The following ODAD1 variants were observed in gnomAD, a reference collection of about 807,000 sequenced individuals.
The protein encoded by ODAD1 is outer dynein arm-docking complex subunit 1.
In ODAD1, 49 loss-of-function variants were observed where a neutral mutation model predicts 67.2. The observed-to-expected ratio is 0.73, with a 90% CI of 0.58 to 0.92. ODAD1 has a LOEUF of 0.92. Ranked by LOEUF, ODAD1 falls within the 40% of genes least tolerant of loss-of-function variation. ODAD1 has a pLI of 0.00. For synonymous variants in ODAD1, 345 were observed against 393.7 expected, an observed-to-expected ratio of 0.88 and a Z score of 1.46; for missense variants, 897 against 953.7, an observed-to-expected ratio of 0.94 and a Z score of 0.78.
intron 5 of ODAD1, among the ~76,000 whole-genome samples, chr19:48,314,612 ACT>A (rs1968850691): frequency 6.6e-6 from 1 of 152,148 alleles, no homozygotes; most frequent in South Asian, 2.1e-4. Flanking sequence ...TCTTTGTGAG[ACT>A]GGATTTTCAG....
rs369830434 is a variant in ODAD1, at chr19:48,298,355, G to C, written c.1241-15C>G. 6 of 1,613,098 alleles carry C rather than the reference G, an allele frequency of 3.7e-6. No homozygotes were observed. The African/African-American group carries it at 8.0e-5, about 22-fold the overall frequency. The stretch of plus-strand genomic sequence containing the variant: ...GAGCTGGATATCTGCGTCATGGAGG[G>C]CCGGTTGTCAGGGATCTGGCACCGC... On this transcript the variant is annotated splice_polypyrimidine_tract_variant and intron_variant, in intron 12 of 15. Transcript: ENST00000674294.
intron 5 of ODAD1, among the ~76,000 whole-genome samples, chr19:48,317,741 C>T (rs923288155): frequency 3.3e-5 from 5 of 150,690 alleles, no homozygotes; most frequent in Admixed American, 6.6e-5. Flanking sequence ...TGCAGCGGCG[C>T]GATCTTGGCT....
In ODAD1 at chr19:48,297,640, C is replaced by T. The variant is rs755370736; in HGVS notation, c.1531G>A (p.Asp511Asn). 4 of 1,520,964 alleles carry T rather than the reference C, an allele frequency of 2.6e-6. No homozygotes were observed. The highest frequency in any genetic ancestry group is 2.3e-5 in the Admixed American group (1 of 43,984). 94.2% of individuals were successfully genotyped at this position (1,520,964 alleles called of 1,614,324 possible). A position where few individuals can be genotyped will look rare whatever the true frequency, so the allele number is the denominator to read the frequency against. Residue 511 changes from aspartate (D) to asparagine (N), a missense_variant, in exon 15 of 16, where the codon GAT (aspartate) becomes AAT (asparagine). Coordinates refer to ENST00000674294, the MANE Select transcript of ODAD1 (RefSeq NM_001364171.2). ...TCCTCCCTGCTCATGGGGTAGTCAT[C>T]GCTGGCCTCAAAACCCGGGGGGTCT... ...LEDPPGFEAS[D>N]DYPMSREELL...
Position 48,318,697 on chromosome 19 carries a change from C to G in ODAD1, c.170+16G>C. 6.5e-7 allele frequency: 1 copy of G among 1,544,168 alleles called. No individual in the cohort carries two copies. The highest frequency in any genetic ancestry group is 8.8e-7 in the Non-Finnish European group (1 of 1,140,270). ...ACCCCCTCCTCCCCAGCTCAGGGCC[C>G]AGGCGCCCAGCTCACAGTTGCTTGT... On this transcript the variant is annotated intron_variant, in intron 4 of 15. Coordinates refer to ENST00000674294, the MANE Select transcript of ODAD1 (RefSeq NM_001364171.2).
In ODAD1 at chr19:48,303,645, C is replaced by T. The variant is rs1060500990; in HGVS notation, c.988+5G>A. 1 of 1,613,972 alleles carries T rather than the reference C, an allele frequency of 6.2e-7. No homozygotes were observed. Among genetic ancestry groups the T allele is most frequent in the African/African-American group, 1.3e-5 (1 of 74,918 alleles). On this transcript the variant is annotated splice_donor_5th_base_variant and intron_variant, in intron 10 of 15. Coordinates refer to ENST00000674294, the MANE Select transcript of ODAD1 (RefSeq NM_001364171.2). Reference sequence around the variant, plus strand: ...CCTCCTCCCTCCACCCAGGGCCCCACTCACTCTCCAGATACTTCTGCACCA... The same window carrying T: ...CCTCCTCCCTCCACCCAGGGCCCCATTCACTCTCCAGATACTTCTGCACCA...
rs765359137 is a variant in ODAD1 at position 48,297,192 on chromosome 19, C to G, written c.1908G>C (p.Val636=). 4 of 1,614,124 alleles carry G rather than the reference C, an allele frequency of 2.5e-6. No homozygotes were observed. Among genetic ancestry groups the G allele is most frequent in the Middle Eastern group, 1.7e-4 (1 of 6,060 alleles). Residue 636 remains valine, a synonymous_variant, in exon 16 of 16, where the codon GTG becomes GTC. Transcript: ENST00000674294. ...TGCTGGCGCTGACGGGTCTGAAGGT[C>G]ACGTGGCCCCCACTCGAGGCACTGG... ...GSTSASSGGH[V]TFRPVSASSY...
At chr19:48,303,328 A>T in intron 10 of ODAD1, 1 of 611,726 alleles carries the variant, frequency 1.6e-6, no homozygotes, top group South Asian at 2.0e-5. Context: ...AAAGCCAGAG[A>T]CTCGGCAATA....
Position 48,311,573 on chromosome 19 carries a change from C to T in ODAD1, c.577G>A (p.Val193Met), listed in dbSNP as rs919196298. ...CTGACCTTCTTCAGCTTGCGGTCCA[C>T]GTTCAGATAGCGGTTCCTGTCGATC... ...LRIDRNRYLN[V>M]DRKLKKEIHH... The change falls in exon 7 of 16, where the codon GTG becomes ATG. Residue 193 changes from valine (V) to methionine (M), a missense_variant. By Grantham distance (21) the Val-to-Met change is conservative. Coordinates refer to ENST00000674294, the MANE Select transcript of ODAD1 (RefSeq NM_001364171.2). 18 of 1,549,804 alleles carry T rather than the reference C, an allele frequency of 1.2e-5. No homozygotes were observed. Among genetic ancestry groups the T allele is most frequent in the South Asian group, 3.6e-5 (3 of 84,030 alleles).
chr19:48,306,426 G>C (rs905894303), intron 7 of ODAD1, 103 bp from the exon 8 acceptor site: 1 of 988,910 alleles, frequency 1.0e-6, no homozygotes, highest in African/African-American at 1.6e-5. Context: ...TAAAGCTCTT[G>C]AGCCTTCCAA....
At position 48,303,723 on chromosome 19, in the gene ODAD1, C is replaced by T; in HGVS notation, c.915G>A (p.Glu305=). ...GCTGGGACAGTTTATTCAGGGCGTCCTCGTAGCAAAGCACCAGCCTCTCCT... is the reference window on the plus strand; with the variant it reads ...GCTGGGACAGTTTATTCAGGGCGTCTTCGTAGCAAAGCACCAGCCTCTCCT... ...TSQERLVLCY[E]DALNKLSQLM... The change falls in exon 10 of 16, where the codon GAG becomes GAA. Residue 305 remains glutamate, a synonymous_variant. Coordinates refer to ENST00000674294, the MANE Select transcript of ODAD1 (RefSeq NM_001364171.2). The T allele has an allele frequency of 6.2e-7, 1 of 1,614,040 alleles. No individual in the cohort carries two copies. Among genetic ancestry groups the T allele is most frequent in the Non-Finnish European group, 8.5e-7 (1 of 1,179,942 alleles).
At chr19:48,319,079 G>A (rs904102156) in intron 3 of ODAD1, among the ~76,000 whole-genome samples, 5 of 151,864 alleles carry the variant, frequency 3.3e-5, no homozygotes, top group African/African-American at 1.2e-4. Context: ...AGGCCTCTGG[G>A]TCTTCTGGGA....
rs923753034 is a variant in ODAD1 at position 48,321,839 on chromosome 19, G to A, written c.-225C>T. On this transcript the variant is annotated 5_prime_UTR_variant, in exon 1 of 16. Transcript: ENST00000674294. The stretch of plus-strand genomic sequence containing the variant: ...GATTCATAGGAAGGAAGGCGGTGTC[G>A]AAGCCGGGAGTTGCGCGGAGAAGGA... 4.3e-5 allele frequency: 17 copies of A among 398,520 alleles called. No individual in the cohort carries two copies. Among genetic ancestry groups the A allele is most frequent in the Non-Finnish European group, 6.2e-5 (14 of 226,050 alleles). 24.7% of individuals were successfully genotyped at this position (398,520 alleles called of 1,614,324 possible).
intron 8 of ODAD1, 53 bp downstream of exon 8, chr19:48,306,203 G>A (rs1213563985): frequency 3.3e-5 from 51 of 1,549,986 alleles, no homozygotes; most frequent in Non-Finnish European, 4.1e-5. Flanking sequence ...TTATGGAAAG[G>A]TGCGTCCTGA....
intron 10 of ODAD1, 116 bp from the exon 11 acceptor site, chr19:48,303,211 A>G: frequency 1.3e-6 from 1 of 792,624 alleles, no homozygotes; most frequent in Non-Finnish European, 2.2e-6. Context: ...GAGGAAGGCC[A>G]CACAGAAACC....
intron 7 of ODAD1, among the ~76,000 whole-genome samples, chr19:48,308,108 T>C (rs916951588): frequency 6.6e-6 from 1 of 151,740 alleles, no homozygotes; most frequent in Non-Finnish European, 1.5e-5. Context: ...ATCTATAAAG[T>C]CAGAATACAC....
rs774487463 is a variant in ODAD1 at position 48,303,110 on chromosome 19, CAAGGCGGGGCCCAG to C, written c.989-29_989-16del. The C allele has an allele frequency of 7.2e-5, 115 of 1,597,848 alleles. No homozygotes were observed. In the East Asian group the frequency reaches 2.4e-3, roughly 33 times the overall value. ...GCGCTCCTCGACTGGGAGAGTTGGG[CAAGGCGGGGCCCAG>C]AGAGAGGGAGACAGAGAAACAGAGA... On this transcript the variant is annotated splice_polypyrimidine_tract_variant and intron_variant, in intron 10 of 15. Coordinates refer to ENST00000674294, the MANE Select transcript of ODAD1 (RefSeq NM_001364171.2).
intron 12 of ODAD1, among the ~76,000 whole-genome samples, chr19:48,300,252 G>A (rs750879429): frequency 6.6e-6 from 1 of 152,110 alleles, no homozygotes; most frequent in East Asian, 1.9e-4. Context: ...GCAGTGAGCC[G>A]AGATTGTGCC....
chr19:48,313,629 T>A (rs1968828309), intron 5 of ODAD1, among the ~76,000 whole-genome samples: 1 of 151,930 alleles, frequency 6.6e-6, no homozygotes, highest in African/African-American at 2.4e-5. Context: ...ATGCCTGTAA[T>A]CCCAATACTT....
chr19:48,297,939 T>G, intron 14 of ODAD1, 61 bp downstream of exon 14: 1 of 1,341,684 alleles, frequency 7.5e-7, no homozygotes, highest in Non-Finnish European at 1.0e-6. Context: ...CTATCCTGTG[T>G]GTTCCCTCTG....
Sources: allele counts gnomAD v4.1 joint callset (sites outside exome capture counted in the v4.1 genomes callset), GRCh38; gene constraint gnomAD v4.1.1; transcripts MANE v1.5; gene names NCBI Gene and HGNC (gene_info 2026-07-23, HGNC 2026-07-21).